The following THADA variants were observed in gnomAD, a reference collection of about 807,000 sequenced individuals.
THADA encodes tRNA (32-2'-O)-methyltransferase regulator THADA.
A neutral mutation model predicts 219.8 loss-of-function variants in THADA; 213 were observed. That is an observed-to-expected ratio of 0.97 (90% CI 0.87 to 1.09). THADA has a LOEUF of 1.09. Among genes scored for constraint, THADA ranks in the 50% least tolerant of loss-of-function variants. THADA has a pLI of 0.00. For synonymous variants in THADA, 1,018 were observed against 828.9 expected (o/e 1.23, Z -3.92); for missense variants, 2,956 against 2,311.3 (o/e 1.28, Z -5.72).
In THADA at chr2:43,486,549, C is replaced by A. The variant is rs1359081382; in HGVS notation, c.3745-1224G>T. ...TACTCTAATTAAGTAAGTGACATAA[C>A]CACATGGTGTGTTAAATAGCAATAT... On this transcript the variant is annotated intron_variant, in intron 25 of 37. Transcript: ENST00000405975. The A allele has an allele frequency of 2.0e-5, 3 of 152,160 alleles. No individual in the cohort carries two copies. In the East Asian group the frequency reaches 5.8e-4, roughly 29 times the overall value. 9.4% of individuals were successfully genotyped at this position (152,160 alleles called of 1,614,324 possible). A position where few individuals can be genotyped will look rare whatever the true frequency, so the allele number is the denominator to read the frequency against.
In THADA at chr2:43,279,711, T is replaced by A. The variant is rs1572890068; in HGVS notation, c.5296+54A>T. ...TATCTGGCTCATTATAGAAAAGTGTTCCAACCTCTATCCTGCAGCGATAAG... is the reference window on the plus strand; with the variant it reads ...TATCTGGCTCATTATAGAAAAGTGTACCAACCTCTATCCTGCAGCGATAAG... On this transcript the variant is annotated intron_variant, in intron 36 of 37. Coordinates refer to ENST00000405975, the MANE Select transcript of THADA (RefSeq NM_022065.5). 2.1e-5 allele frequency: 31 copies of A among 1,511,118 alleles called. No individual in the cohort carries two copies. In the East Asian group the frequency reaches 7.8e-4, roughly 38 times the overall value. The allele number at this position is 1,511,118 out of a possible 1,614,324, so 93.6% of individuals were successfully genotyped here. A position where few individuals can be genotyped will look rare whatever the true frequency, so the allele number is the denominator to read the frequency against.
chr2:43,330,288 G>T (rs1337238316), intron 30 of THADA, among the ~76,000 whole-genome samples: 1 of 152,206 alleles, frequency 6.6e-6, no homozygotes. Context: ...TGCGTGGGAA[G>T]GTGTTATTCC....
chr2:43,302,830 T>C (rs941621120), intron 31 of THADA, among the ~76,000 whole-genome samples: 2 of 152,060 alleles, frequency 1.3e-5, no homozygotes, highest in African/African-American at 4.8e-5. Context: ...GGCAGGAGGA[T>C]TGCTTGAGCC....
intron 17 of THADA, 113 bp from the exon 18 acceptor site, chr2:43,552,452 G>GA: frequency 1.7e-6 from 2 of 1,147,296 alleles, no homozygotes; most frequent in Admixed American, 6.3e-5. Flanking sequence ...CTTTACACTA[G>GA]AGTTTTTTAA....
intron 21 of THADA, among the ~76,000 whole-genome samples, chr2:43,538,275 G>C (rs1030571144): frequency 6.6e-6 from 1 of 152,162 alleles, no homozygotes; most frequent in African/African-American, 2.4e-5. Context: ...CAACTAGTCA[G>C]GAAGTTGTGA....
At chr2:43,277,710 T>A (rs1672883567) in intron 36 of THADA, among the ~76,000 whole-genome samples, 1 of 152,228 alleles carries the variant, frequency 6.6e-6, no homozygotes, top group South Asian at 2.1e-4. Context: ...AAAGAAGACA[T>A]TAAATATTAA....
chr2:43,450,058 C>T (rs1220182375), intron 26 of THADA, among the ~76,000 whole-genome samples: 1 of 152,092 alleles, frequency 6.6e-6, no homozygotes, highest in Non-Finnish European at 1.5e-5. Flanking sequence ...TAAAAGGACA[C>T]TGGACAGGAA....
chr2:43,489,537 A>G (rs752087217), intron 25 of THADA, among the ~76,000 whole-genome samples: 16 of 152,054 alleles, frequency 1.1e-4, no homozygotes, highest in Non-Finnish European at 1.6e-4. Context: ...GGTTTTTAAG[A>G]CATTTTGAGT....
chr2:43,381,560 T>C (rs958014498), intron 29 of THADA, among the ~76,000 whole-genome samples: 103 of 151,754 alleles, frequency 6.8e-4, no homozygotes, highest in African/African-American at 2.3e-3. Flanking sequence ...ATGTGATTAA[T>C]GTTAACATCA....
chr2:43,530,366 C>T (rs79083585), intron 21 of THADA, among the ~76,000 whole-genome samples: 3,335 of 152,134 alleles, frequency 0.022, 134 homozygotes, highest in African/African-American at 0.076. Flanking sequence ...AGGCTTAAAT[C>T]CGAATTAAAC....
At chr2:43,344,021 C>G (rs1250079273) in intron 30 of THADA, 101 bp downstream of exon 30, 1 of 798,942 alleles carries the variant, frequency 1.3e-6, no homozygotes, top group Non-Finnish European at 2.1e-6. Context: ...TTAGAAAACT[C>G]ATGCCAATGA....
At chr2:43,543,968 A>T (rs1237313622) in intron 20 of THADA, among the ~76,000 whole-genome samples, 375 of 152,126 alleles carry the variant, frequency 2.5e-3, no homozygotes, top group African/African-American at 8.7e-3. Context: ...CTGAATGGTA[A>T]TGCCTAGGTT....
intron 26 of THADA, among the ~76,000 whole-genome samples, chr2:43,448,560 CTTTTTT>C (rs71410179): frequency 3.5e-4 from 36 of 103,614 alleles, no homozygotes; most frequent in African/African-American, 9.7e-4. Context: ...TTCTTCCTTT[CTTTTTT>C]TTTTTTTTTT....
intron 30 of THADA, among the ~76,000 whole-genome samples, chr2:43,339,588 T>G (rs1666852405): frequency 2.0e-5 from 3 of 152,172 alleles, no homozygotes; most frequent in Non-Finnish European, 4.4e-5. Context: ...CCCTGACTAG[T>G]CCATTTAGTT....
intron 21 of THADA, among the ~76,000 whole-genome samples, chr2:43,529,471 C>A (rs542411871): frequency 6.6e-6 from 1 of 152,132 alleles, no homozygotes; most frequent in East Asian, 1.9e-4. Flanking sequence ...ATCAGCCTCC[C>A]GAGTAGCTGT....
intron 4 of THADA, 128 bp from the exon 5 acceptor site, chr2:43,587,130 C>T: frequency 1.1e-6 from 1 of 932,932 alleles, no homozygotes. Context: ...AAAACTACAA[C>T]TACACACTAC....
At chr2:43,415,772 A>G (rs1277882141) in intron 28 of THADA, among the ~76,000 whole-genome samples, 3 of 152,086 alleles carry the variant, frequency 2.0e-5, no homozygotes, top group Non-Finnish European at 4.4e-5. Flanking sequence ...AAGGAGGAGG[A>G]CACAAGGAAG....
chr2:43,265,868 C>T lies in THADA; in HGVS notation c.5296+13897G>A, dbSNP rs1671451739. Among the ~76,000 whole-genome samples, 13 of 151,064 alleles carry T rather than the reference C, an allele frequency of 8.6e-5. 1 individual carries two copies. The South Asian group carries it at 2.7e-3, about 32-fold the overall frequency. On this transcript the variant is annotated intron_variant, in intron 36 of 37. Transcript: ENST00000405975. ...GGTTCTTGGGAGTTTTCTTCCTAAG[C>T]GTTCTCATTTGGAACAGATTAAGGG...
intron 28 of THADA, among the ~76,000 whole-genome samples, chr2:43,426,576 A>C (rs1678457510): frequency 6.6e-6 from 1 of 152,226 alleles, no homozygotes; most frequent in Non-Finnish European, 1.5e-5. Context: ...TTTGTATATC[A>C]GGAAACAAAA....
Sources: allele counts gnomAD v4.1 joint callset (sites outside exome capture counted in the v4.1 genomes callset), GRCh38; gene constraint gnomAD v4.1.1; transcripts MANE v1.5; gene names NCBI Gene and HGNC (gene_info 2026-07-23, HGNC 2026-07-21).